Variants in RGS7 observed in about 807,000 individuals in gnomAD.
RGS7 encodes regulator of G protein signaling 7.
RGS7 carries 27 observed loss-of-function variants against 81.1 expected under a neutral mutation model. The ratio of observed to expected loss-of-function variants is 0.33; its 90% confidence interval spans 0.25 to 0.46. RGS7 has a LOEUF of 0.46. Ranked by LOEUF, RGS7 falls within the 20% of genes least tolerant of loss-of-function variation. The pLI is 1.00. For synonymous variants in RGS7, 208 were observed against 207.7 expected, an observed-to-expected ratio of 1.00 and a Z score of -0.01; for missense variants, 396 against 607.4, an observed-to-expected ratio of 0.65 and a Z score of 3.66.
chr1:241,019,298 G>C lies in RGS7; in HGVS notation c.176-36169C>G, dbSNP rs141133390. Among the ~76,000 whole-genome samples, 30 of 152,138 alleles carry C rather than the reference G, an allele frequency of 2.0e-4. 1 individual carries two copies. The highest frequency in any genetic ancestry group is 1.4e-3 in the Admixed American group (21 of 15,284). On this transcript the variant is annotated intron_variant, in intron 3 of 18. Coordinates refer to ENST00000440928, the MANE Select transcript of RGS7 (RefSeq NM_001364886.1). ...CTTTCTGTACTGTATCTCTCTGAAGGAGTCTGTTGCTGCAGACTTTTTTCT... is the reference window on the plus strand; with the variant it reads ...CTTTCTGTACTGTATCTCTCTGAAGCAGTCTGTTGCTGCAGACTTTTTTCT...
At chr1:240,895,740 A>G (rs1180296020) in intron 6 of RGS7, among the ~76,000 whole-genome samples, 1 of 152,190 alleles carries the variant, frequency 6.6e-6, no homozygotes, top group Non-Finnish European at 1.5e-5. Context: ...TAGTGCCGCA[A>G]TAAACGTACA....
chr1:241,057,330 G>A (rs2061524114), intron 3 of RGS7, among the ~76,000 whole-genome samples: 1 of 152,000 alleles, frequency 6.6e-6, no homozygotes, highest in Non-Finnish European at 1.5e-5. Context: ...TGAGCCTTGG[G>A]TTTCTCATTT....
At chr1:241,253,393 T>C (rs1322823130) in intron 2 of RGS7, among the ~76,000 whole-genome samples, 4 of 152,178 alleles carry the variant, frequency 2.6e-5, no homozygotes, top group African/African-American at 9.7e-5. Context: ...GTGTGCCCAC[T>C]TCTTCCTTCT....
At chr1:241,134,916 G>T (rs891487877) in intron 2 of RGS7, among the ~76,000 whole-genome samples, 1 of 152,010 alleles carries the variant, frequency 6.6e-6, no homozygotes, top group Non-Finnish European at 1.5e-5. Flanking sequence ...GACGACAGCC[G>T]GCCGGAAGAC....
At chr1:240,843,168 AAAAAT>A (rs1658414051) in intron 9 of RGS7, among the ~76,000 whole-genome samples, 1 of 152,128 alleles carries the variant, frequency 6.6e-6, no homozygotes, top group Admixed American at 6.5e-5. Context: ...TCTATCTCAA[AAAAAT>A]AAAATAAAAA....
chr1:241,330,849 T>C (rs1159323208), intron 2 of RGS7, among the ~76,000 whole-genome samples: 1 of 152,112 alleles, frequency 6.6e-6, no homozygotes, highest in Non-Finnish European at 1.5e-5. Flanking sequence ...ACTATTTGAG[T>C]GATGCTTTCA....
intron 14 of RGS7, among the ~76,000 whole-genome samples, chr1:240,808,267 G>C (rs983141733): frequency 6.6e-6 from 1 of 152,142 alleles, no homozygotes; most frequent in African/African-American, 2.4e-5. Flanking sequence ...GTCTGGGAAA[G>C]GCAAGCAGGA....
chr1:241,273,179 C>CCT (rs1056311870), intron 2 of RGS7, among the ~76,000 whole-genome samples: 2 of 114,026 alleles, frequency 1.8e-5, no homozygotes, highest in African/African-American at 2.7e-5. Flanking sequence ...TAATGAACCC[C>CCT]CCCCCCCAAA....
intron 4 of RGS7, among the ~76,000 whole-genome samples, chr1:240,951,458 A>G (rs1679544998): frequency 1.3e-5 from 2 of 152,230 alleles, no homozygotes; most frequent in African/African-American, 2.4e-5. Context: ...CGAAGAAAGA[A>G]TCAAAATGAA....
At chr1:241,073,291 C>G (rs188980210) in intron 3 of RGS7, among the ~76,000 whole-genome samples, 1 of 152,126 alleles carries the variant, frequency 6.6e-6, no homozygotes, top group African/African-American at 2.4e-5. Flanking sequence ...TGGGGAAGAA[C>G]GGGAGACTAA....
intron 3 of RGS7, among the ~76,000 whole-genome samples, chr1:241,004,131 T>C (rs1477623377): frequency 6.6e-6 from 1 of 152,220 alleles, no homozygotes; most frequent in African/African-American, 2.4e-5. Context: ...TAAGGCAAGC[T>C]GTGTATAGAG....
At chr1:241,140,377 A>G (rs888511222) in intron 2 of RGS7, among the ~76,000 whole-genome samples, 2 of 152,076 alleles carry the variant, frequency 1.3e-5, no homozygotes, top group Non-Finnish European at 2.9e-5. Flanking sequence ...TTCTCCACCC[A>G]CTGATGGGTC....
At chr1:240,989,890 G>T (rs536924041) in intron 3 of RGS7, among the ~76,000 whole-genome samples, 4 of 152,246 alleles carry the variant, frequency 2.6e-5, no homozygotes, top group Admixed American at 2.6e-4. Context: ...TAGGCCTCAA[G>T]GACTCATGGA....
intron 10 of RGS7, among the ~76,000 whole-genome samples, chr1:240,819,836 T>C (rs1691471598): frequency 6.6e-6 from 1 of 152,236 alleles, no homozygotes; most frequent in African/African-American, 2.4e-5. Context: ...GCCTGGCTAC[T>C]TGCTCTGAAG....
chr1:240,837,284 A>T (rs1694874661), intron 9 of RGS7, among the ~76,000 whole-genome samples: 1 of 152,238 alleles, frequency 6.6e-6, no homozygotes, highest in African/African-American at 2.4e-5. Context: ...TGCTGTGCGC[A>T]CATGAGCGAT....
intron 2 of RGS7, among the ~76,000 whole-genome samples, chr1:241,351,966 G>A (rs2148745634): frequency 6.6e-6 from 1 of 152,268 alleles, no homozygotes; most frequent in South Asian, 2.1e-4. Flanking sequence ...CTGGCCCCAA[G>A]GTGACCTAGA....
At chr1:240,775,292 T>C (rs952836968), downstream of RGS7, among the ~76,000 whole-genome samples, 2 of 152,196 alleles carry the variant, frequency 1.3e-5, no homozygotes, top group African/African-American at 2.4e-5. Flanking sequence ...GGAACATCAA[T>C]TTGTGTTGTT....
chr1:241,198,065 T>C (rs2073217371), intron 2 of RGS7, among the ~76,000 whole-genome samples: 1 of 151,826 alleles, frequency 6.6e-6, no homozygotes, highest in African/African-American at 2.4e-5. Context: ...GAAAAATAAG[T>C]AGAAAATATC....
In RGS7 at chr1:240,812,178, G is replaced by A. The variant is rs888159231; in HGVS notation, c.957-135C>T. On this transcript the variant is annotated intron_variant, in intron 13 of 18. Transcript: ENST00000440928. ...CTTTTCTTTAAAAATATATATATCC[G>A]ATTAACGGCTCTGCATGAAATCATC... 7 of 848,214 alleles carry A rather than the reference G, an allele frequency of 8.3e-6. No homozygotes were observed. In the Admixed American group the frequency reaches 8.7e-5, roughly 11 times the overall value. The allele number at this position is 848,214 out of a possible 1,614,324, so 52.5% of individuals were successfully genotyped here.
Sources: allele counts gnomAD v4.1 joint callset (sites outside exome capture counted in the v4.1 genomes callset), GRCh38; gene constraint gnomAD v4.1.1; transcripts MANE v1.5; gene names NCBI Gene and HGNC (gene_info 2026-07-23, HGNC 2026-07-21).